Variants in TRAM2 observed in about 807,000 individuals in gnomAD.
The protein encoded by TRAM2 is translocation associated membrane protein 2.
Under a neutral mutation model 51.0 loss-of-function variants are expected in TRAM2, and 12 were observed. The ratio of observed to expected loss-of-function variants is 0.24; its 90% confidence interval spans 0.15 to 0.38. The LOEUF (loss-of-function observed/expected upper bound fraction) is 0.38. TRAM2 is among the 10% of genes least tolerant of loss of function. The pLI is 1.00. For missense variants in TRAM2, 361 were observed against 462.0 expected, an observed-to-expected ratio of 0.78 and a Z score of 2.00; for synonymous variants, 175 against 179.4, an observed-to-expected ratio of 0.98 and a Z score of 0.20.
chr6:52,562,757 T>C (rs1164000185), intron 1 of TRAM2, among the ~76,000 whole-genome samples: 1 of 152,124 alleles, frequency 6.6e-6, no homozygotes, highest in African/African-American at 2.4e-5. Flanking sequence ...CCCCTCCCTA[T>C]GTCAACGTGT....
chr6:52,520,465 G>A (rs1361323154), intron 2 of TRAM2, among the ~76,000 whole-genome samples: 2 of 152,242 alleles, frequency 1.3e-5, no homozygotes, highest in East Asian at 3.8e-4. Flanking sequence ...AGAGATGGGC[G>A]TCGGATAGAG....
At chr6:52,509,099 C>A (rs1766402837) in intron 5 of TRAM2, among the ~76,000 whole-genome samples, 1 of 152,160 alleles carries the variant, frequency 6.6e-6, no homozygotes, top group Non-Finnish European at 1.5e-5. Context: ...GGAGATGGCC[C>A]CAGGTATTGC....
chr6:52,549,534 A>G (rs1767271951), intron 1 of TRAM2, among the ~76,000 whole-genome samples: 2 of 152,344 alleles, frequency 1.3e-5, no homozygotes, highest in South Asian at 4.1e-4. Context: ...TTCATCAGTT[A>G]CCTAACAAAT....
intron 1 of TRAM2, among the ~76,000 whole-genome samples, chr6:52,569,662 C>G (rs1174643154): frequency 6.6e-6 from 1 of 151,872 alleles, no homozygotes; most frequent in Non-Finnish European, 1.5e-5. Flanking sequence ...GAGGACACAC[C>G]TGCCACTCAC....
intron 1 of TRAM2, among the ~76,000 whole-genome samples, chr6:52,574,103 G>T (rs1165917352): frequency 6.6e-6 from 1 of 152,126 alleles, no homozygotes; most frequent in Non-Finnish European, 1.5e-5. Context: ...TGAGTCCCCA[G>T]TTGCACCTAC....
intron 1 of TRAM2, among the ~76,000 whole-genome samples, chr6:52,570,311 A>T (rs1767655193): frequency 6.6e-6 from 1 of 152,148 alleles, no homozygotes; most frequent in Non-Finnish European, 1.5e-5. Flanking sequence ...GGGAGATGCA[A>T]ATTTCAATAA....
At chr6:52,528,405 C>T (rs1766822766) in intron 2 of TRAM2, among the ~76,000 whole-genome samples, 1 of 152,020 alleles carries the variant, frequency 6.6e-6, no homozygotes, top group African/African-American at 2.4e-5. Flanking sequence ...ATGAGCTCAT[C>T]TTACAAAGAG....
chr6:52,497,822 G>A lies in TRAM2; in HGVS notation c.*5375C>T, dbSNP rs1184890167. 1 of 152,390 alleles carries A rather than the reference G, an allele frequency of 6.6e-6. No homozygotes were observed. Among genetic ancestry groups the A allele is most frequent in the Non-Finnish European group, 1.5e-5 (1 of 68,040 alleles). The allele number at this position is 152,390 out of a possible 1,614,324, so 9.4% of individuals were successfully genotyped here. A position where few individuals can be genotyped will look rare whatever the true frequency, so the allele number is the denominator to read the frequency against. Reference sequence around the variant, plus strand: ...ACTCAAATCTGTACCCAAGGAAACAGCGGTATTATATTTACTGTCACAGCT... The same window carrying A: ...ACTCAAATCTGTACCCAAGGAAACAACGGTATTATATTTACTGTCACAGCT... On this transcript the variant is annotated 3_prime_UTR_variant, in exon 11 of 11. Coordinates refer to ENST00000182527, the MANE Select transcript of TRAM2 (RefSeq NM_012288.4).
At chr6:52,566,777 C>T (rs1246930520) in intron 1 of TRAM2, among the ~76,000 whole-genome samples, 1 of 152,150 alleles carries the variant, frequency 6.6e-6, no homozygotes. Flanking sequence ...CTTTCTCTGG[C>T]CTTATCTAGC....
chr6:52,546,140 A>T (rs1767195888), intron 1 of TRAM2, among the ~76,000 whole-genome samples: 1 of 152,156 alleles, frequency 6.6e-6, no homozygotes, highest in African/African-American at 2.4e-5. Context: ...GAAGGGCTGA[A>T]GAGGCAAACA....
At chr6:52,516,823 A>G (rs1402709495) in intron 2 of TRAM2, 86 bp from the exon 3 acceptor site, 1 of 1,030,642 alleles carries the variant, frequency 9.7e-7, no homozygotes, top group Non-Finnish European at 1.5e-6. Context: ...GGGAGGCGAA[A>G]TGCGCCATCA....
At chr6:52,522,743 T>TA in intron 2 of TRAM2, 1 of 598,554 alleles carries the variant, frequency 1.7e-6, no homozygotes, top group South Asian at 2.0e-5. Context: ...GATTACAGTT[T>TA]AAAGAGAGAC....
intron 4 of TRAM2, among the ~76,000 whole-genome samples, chr6:52,511,644 T>G (rs1238264394): frequency 1.3e-5 from 2 of 152,168 alleles, no homozygotes; most frequent in Non-Finnish European, 2.9e-5. Context: ...TTAGTTGTAT[T>G]TCCAAGTGAG....
chr6:52,557,192 C>CAAAAAAATAAAA (rs1767425638), intron 1 of TRAM2, among the ~76,000 whole-genome samples: 1 of 140,092 alleles, frequency 7.1e-6, no homozygotes, highest in Non-Finnish European at 1.6e-5. Flanking sequence ...AACTCTGTCT[C>CAAAAAAATAAAA]AAAAAAAAAA....
intron 1 of TRAM2, among the ~76,000 whole-genome samples, chr6:52,569,404 A>G (rs80162990): frequency 0.13 from 19,842 of 150,440 alleles, 1,811 homozygotes; most frequent in Non-Finnish European, 0.2. Context: ...AAAAAAAAAA[A>G]AAAGAAAGAA....
At chr6:52,556,729 A>G (rs1354020526) in intron 1 of TRAM2, among the ~76,000 whole-genome samples, 2 of 151,298 alleles carry the variant, frequency 1.3e-5, no homozygotes, top group African/African-American at 4.8e-5. Context: ...GGAGTTTGAG[A>G]CCGGCCTGGC....
intron 1 of TRAM2, among the ~76,000 whole-genome samples, chr6:52,554,409 A>G (rs1442395157): frequency 6.6e-6 from 1 of 150,858 alleles, no homozygotes; most frequent in East Asian, 1.9e-4. Context: ...AATCCCAGCT[A>G]CTCGGGTGGC....
chr6:52,515,858 G>T, intron 4 of TRAM2, 148 bp downstream of exon 4: 1 of 687,792 alleles, frequency 1.5e-6, no homozygotes, highest in Non-Finnish European at 2.5e-6. Flanking sequence ...GTTCTAAGAA[G>T]CTAAGAAGGT....
chr6:52,515,344 T>C (rs1364315854), intron 4 of TRAM2, among the ~76,000 whole-genome samples: 5 of 152,214 alleles, frequency 3.3e-5, no homozygotes, highest in African/African-American at 1.2e-4. Context: ...TTCCTTTCTA[T>C]GAGGGAATTT....
Sources: gnomAD v4.1 joint callset for allele counts (sites outside exome capture counted in the v4.1 genomes callset) on GRCh38, gnomAD v4.1.1 for gene constraint, MANE v1.5 for transcripts, NCBI Gene and HGNC (gene_info 2026-07-23, HGNC 2026-07-21) for gene names.